SPATA13: variants seen among roughly 807,000 people sequenced by gnomAD.
The protein encoded by SPATA13 is spermatogenesis-associated protein 13.
In SPATA13, 50 loss-of-function variants were observed where a neutral mutation model predicts 104.0. The observed-to-expected ratio is 0.48, with a 90% CI of 0.38 to 0.61. The LOEUF is 0.61. SPATA13 is among the 20% of genes least tolerant of loss of function. The probability of loss-of-function intolerance (pLI) is 0.00; values close to 1 mark genes in which losing one functional copy is unlikely to be tolerated. For missense variants in SPATA13, 1,524 were observed against 1,690.6 expected (o/e 0.90, Z 1.73); for synonymous variants, 606 against 667.5 (o/e 0.91, Z 1.42).
intron 8 of SPATA13, among the ~76,000 whole-genome samples, chr13:24,289,948 G>A (rs1451200753): frequency 1.3e-5 from 2 of 152,180 alleles, no homozygotes; most frequent in African/African-American, 4.8e-5. Context: ...AAGTGGCTGG[G>A]CATAATGTTT....
chr13:23,984,532 TG>T (rs1489416822), intron 2 of SPATA13, among the ~76,000 whole-genome samples: 1 of 152,162 alleles, frequency 6.6e-6, no homozygotes, highest in Non-Finnish European at 1.5e-5. Context: ...CCGTGAGTGG[TG>T]GAGCTGTGGT....
chr13:24,062,566 A>G (rs1367086639), intron 3 of SPATA13, among the ~76,000 whole-genome samples: 1 of 152,102 alleles, frequency 6.6e-6, no homozygotes, highest in Non-Finnish European at 1.5e-5. Flanking sequence ...GAGGGTGGGG[A>G]TCCGGTGACG....
intron 3 of SPATA13, among the ~76,000 whole-genome samples, chr13:24,077,321 T>C (rs1015607476): frequency 1.4e-5 from 2 of 139,588 alleles, no homozygotes; most frequent in Admixed American, 7.2e-5. Flanking sequence ...TAATTCACAG[T>C]AGAGGTTAAC....
In SPATA13 at chr13:24,303,280, C is replaced by T. The variant is rs1211023616; in HGVS notation, c.*507C>T. 1 of 400,644 alleles carries T rather than the reference C, an allele frequency of 2.5e-6. No individual in the cohort carries two copies. Among genetic ancestry groups the T allele is most frequent in the Admixed American group, 2.8e-5 (1 of 35,562 alleles). 24.8% of individuals were successfully genotyped at this position (400,644 alleles called of 1,614,324 possible). A position where few individuals can be genotyped will look rare whatever the true frequency, so the allele number is the denominator to read the frequency against. ...TGAGCTCTTACTCTCTTCTGTAATA[C>T]TGGGGGACCTACAGCTGCCGTGGGG... On this transcript the variant is annotated 3_prime_UTR_variant, in exon 13 of 13. Transcript: ENST00000382108.
At chr13:24,042,541 C>A (rs559583917) in intron 3 of SPATA13, among the ~76,000 whole-genome samples, 16 of 152,338 alleles carry the variant, frequency 1.1e-4, no homozygotes, top group African/African-American at 3.4e-4. Context: ...TGGACTAACT[C>A]ACATCTCAGA....
intron 3 of SPATA13, 81 bp from the exon 4 acceptor site, chr13:24,251,637 T>G (rs1593462850): frequency 1.3e-6 from 2 of 1,553,688 alleles, no homozygotes; most frequent in Non-Finnish European, 8.7e-7. Context: ...GGCTTCGAGG[T>G]GAGAGCGCTA....
chr13:24,214,536 G>T (rs993086997), intron 1 of SPATA13, among the ~76,000 whole-genome samples: 1 of 152,214 alleles, frequency 6.6e-6, no homozygotes, highest in African/African-American at 2.4e-5. Context: ...CAGGGATGTT[G>T]TGTGACTAGC....
At chr13:24,144,791 C>T (rs985257477) in intron 3 of SPATA13, among the ~76,000 whole-genome samples, 2 of 152,168 alleles carry the variant, frequency 1.3e-5, no homozygotes, top group Non-Finnish European at 2.9e-5. Flanking sequence ...GTGGCAGCCT[C>T]GTGCAGTACG....
At chr13:24,090,847 C>G (rs1247234924) in intron 3 of SPATA13, among the ~76,000 whole-genome samples, 1 of 152,188 alleles carries the variant, frequency 6.6e-6, no homozygotes, top group East Asian at 1.9e-4. Context: ...TTTCCTGTTT[C>G]TTTTCATGTC....
chr13:24,260,429 A>G (rs1220587), intron 4 of SPATA13, among the ~76,000 whole-genome samples: 1,840 of 152,294 alleles, frequency 0.012, 35 homozygotes, highest in African/African-American at 0.042. Flanking sequence ...GCTCCTCTTC[A>G]CTGGTCCCAC....
chr13:23,981,632 G>A (rs916581259), intron 1 of SPATA13, among the ~76,000 whole-genome samples: 1 of 152,168 alleles, frequency 6.6e-6, no homozygotes, highest in African/African-American at 2.4e-5. Flanking sequence ...CTTCATTTGC[G>A]TTGTGGGTTT....
At chr13:24,229,856 T>C (rs1461224759) in intron 2 of SPATA13, among the ~76,000 whole-genome samples, 1 of 152,228 alleles carries the variant, frequency 6.6e-6, no homozygotes. Context: ...AATGAAGTTG[T>C]ACCTGTGCCC....
At chr13:23,980,974 AAAAGT>A (rs2137646058) in intron 1 of SPATA13, among the ~76,000 whole-genome samples, 1 of 152,320 alleles carries the variant, frequency 6.6e-6, no homozygotes, top group South Asian at 2.1e-4. Flanking sequence ...TTATCATTTA[AAAAGT>A]AAAGTACAGA....
chr13:24,112,118 C>A (rs997425631), intron 3 of SPATA13, among the ~76,000 whole-genome samples: 9 of 152,220 alleles, frequency 5.9e-5, no homozygotes, highest in African/African-American at 1.9e-4. Flanking sequence ...TCTAGGCTGT[C>A]CTTCAGTCTC....
chr13:24,233,862 A>G (rs1872419573), intron 2 of SPATA13, among the ~76,000 whole-genome samples: 1 of 149,590 alleles, frequency 6.7e-6, no homozygotes, highest in Admixed American at 6.8e-5. Flanking sequence ...CACTGCTGAC[A>G]GGCTACAGAA....
Position 24,251,770 on chromosome 13 carries a change from T to G in SPATA13, c.2072T>G (p.Val691Gly). 6.2e-7 allele frequency: 1 copy of G among 1,614,204 alleles called. No individual in the cohort carries two copies. The highest frequency in any genetic ancestry group is 8.5e-7 in the Non-Finnish European group (1 of 1,180,018). ...PAHQVPPYKA[V>G]SARFRPFTFS... is the part of the protein sequence containing the mutation. ...CACCAGGTGCCACCCTACAAGGCTG[T>G]GTCGGCCCGGTTCCGGCCCTTCACA... The change falls in exon 4 of 13, where the codon GTG becomes GGG. Residue 691 changes from valine to glycine, a missense_variant. Val to Gly is a moderately radical substitution (Grantham distance 109). This residue lies in a region of SPATA13 where 1,089 missense variants were observed against 1,135.9 expected (regional missense o/e 0.96). Transcript: ENST00000382108.
chr13:24,122,313 G>A (rs1881056248), intron 3 of SPATA13: 40 of 1,391,054 alleles, frequency 2.9e-5, no homozygotes, highest in Non-Finnish European at 3.9e-5. Flanking sequence ...TCAAACTATC[G>A]ATTTGAATAG....
intron 1 of SPATA13, among the ~76,000 whole-genome samples, chr13:24,173,185 C>T (rs1007104452): frequency 6.6e-6 from 1 of 152,192 alleles, no homozygotes; most frequent in African/African-American, 2.4e-5. Context: ...TCAAGCGATT[C>T]TCCTGCCTCA....
At chr13:24,087,312 T>C (rs576762528) in intron 3 of SPATA13, among the ~76,000 whole-genome samples, 2 of 152,216 alleles carry the variant, frequency 1.3e-5, no homozygotes, top group East Asian at 3.9e-4. Flanking sequence ...CTGCACACTC[T>C]GCAAAGCATT....
Sources: gnomAD v4.1 joint callset for allele counts (sites outside exome capture counted in the v4.1 genomes callset) on GRCh38, gnomAD v4.1.1 for gene constraint, gnomAD v4.1.1 regional missense constraint, MANE v1.5 for transcripts, NCBI Gene and HGNC (gene_info 2026-07-23, HGNC 2026-07-21) for gene names.